The following NR2C1 variants were observed in gnomAD, a reference collection of about 807,000 sequenced individuals.
The protein encoded by NR2C1 is nuclear receptor subfamily 2 group C member 1.
In NR2C1, 33 loss-of-function variants were observed where a neutral mutation model predicts 74.8. The ratio of observed to expected loss-of-function variants is 0.44; its 90% CI spans 0.33 to 0.59. The LOEUF is 0.59. NR2C1 is among the 20% of genes least tolerant of loss of function. The pLI is 0.02. For missense variants in NR2C1, 568 were observed against 715.6 expected (o/e 0.79, Z 2.35); for synonymous variants, 225 against 240.6 (o/e 0.94, Z 0.60).
At chr12:95,062,897 TAAAC>T in intron 2 of NR2C1, 159 bp from the exon 3 acceptor site, 1 of 622,246 alleles carries the variant, frequency 1.6e-6, no homozygotes, top group South Asian at 2.0e-5. Flanking sequence ...CCTACAGAAA[TAAAC>T]AAATGTGCAA....
At chr12:95,054,664 A>C (rs951730344) in intron 7 of NR2C1, among the ~76,000 whole-genome samples, 2 of 152,230 alleles carry the variant, frequency 1.3e-5, no homozygotes, top group Non-Finnish European at 2.9e-5. Context: ...AAAGTACATT[A>C]GTTACAATTT....
At chr12:95,067,503 A>C (rs1875895546) in intron 1 of NR2C1, 112 bp from the exon 2 acceptor site, 1 of 858,904 alleles carries the variant, frequency 1.2e-6, no homozygotes, top group East Asian at 2.7e-5. Flanking sequence ...AATCTAGTTA[A>C]GGTGGGAGGG....
At chr12:95,066,241 C>T (rs909481699) in intron 2 of NR2C1, among the ~76,000 whole-genome samples, 3 of 152,174 alleles carry the variant, frequency 2.0e-5, no homozygotes, top group African/African-American at 7.2e-5. Flanking sequence ...GCACCTCACG[C>T]CTGTAATCCC....
At chr12:95,023,022 G>C (rs1258399702) in intron 13 of NR2C1, among the ~76,000 whole-genome samples, 3 of 151,974 alleles carry the variant, frequency 2.0e-5, no homozygotes, top group African/African-American at 7.2e-5. Flanking sequence ...ATTTAAGAAT[G>C]GCGGCTGGGT....
At chr12:95,052,094 C>A in intron 7 of NR2C1, 151 bp from the exon 8 acceptor site, 3 of 497,094 alleles carry the variant, frequency 6.0e-6, no homozygotes, top group Non-Finnish European at 6.9e-6. Flanking sequence ...CAGAAATTTA[C>A]TGAGGAAAAT....
rs1470531025 is a variant in NR2C1, at chr12:95,057,792, T to C, written c.631A>G (p.Lys211Glu). The C allele has an allele frequency of 1.2e-6, 2 of 1,614,166 alleles. No homozygotes were observed. Among genetic ancestry groups the C allele is most frequent in the South Asian group, 1.1e-5 (1 of 91,076 alleles). Residue 211 changes from lysine (K) to glutamate (E), a missense_variant, in exon 6 of 14, where the codon AAG (lysine) becomes GAG (glutamate). Around this residue, in one of 6 missense-constraint regions of NR2C1, gnomAD observed 239 missense variants for 232.3 expected, o/e 1.03. Coordinates refer to ENST00000333003, the MANE Select transcript of NR2C1 (RefSeq NM_003297.4). ...GCAGTTAATGGGCTACGAAGGTCCT[T>C]TCGGATATAGATTTTTTCTGTTGAA... ...AASTEKIYIR[K>E]DLRSPLTATP...
intron 13 of NR2C1, among the ~76,000 whole-genome samples, chr12:95,023,722 T>G (rs2136086754): frequency 6.6e-6 from 1 of 152,298 alleles, no homozygotes; most frequent in Admixed American, 6.5e-5. Flanking sequence ...AAGTGCCTTA[T>G]AAGTTGAAAA....
chr12:95,033,032 G>C (rs1040407602), intron 10 of NR2C1, among the ~76,000 whole-genome samples: 2 of 152,044 alleles, frequency 1.3e-5, no homozygotes, highest in African/African-American at 4.8e-5. Flanking sequence ...TACTCAGGAG[G>C]GTTGAGGTGG....
intron 1 of NR2C1, among the ~76,000 whole-genome samples, chr12:95,072,455 C>CAAAAAAA (rs570185714): frequency 6.6e-5 from 4 of 60,308 alleles, no homozygotes; most frequent in East Asian, 5.3e-4. Flanking sequence ...CTCTCCCTCT[C>CAAAAAAA]AAAAAAAAAA....
At chr12:95,040,330 G>A in intron 10 of NR2C1, 146 bp downstream of exon 10, 3 of 689,630 alleles carry the variant, frequency 4.4e-6, no homozygotes, top group Non-Finnish European at 4.6e-6. Context: ...TAGCTGCCAT[G>A]ATTTGTCATT....
rs1197796548 is a variant in NR2C1 at position 95,062,627 on chromosome 12, T to C, written c.166A>G (p.Lys56Glu). The C allele has an allele frequency of 2.5e-6, 4 of 1,614,180 alleles. No homozygotes were observed. Among genetic ancestry groups the C allele is most frequent in the Middle Eastern group, 3.3e-4 (2 of 6,062 alleles). The stretch of plus-strand genomic sequence containing the variant: ...GAATCTTGCCTGGCCAGAATGACTT[T>C]GCTTGGAGTAGAGCCGTCGTGATTT... ...LTNHDGSTPS[K>E]VILARQDSTP... is the part of the protein sequence containing the mutation. The change falls in exon 3 of 14, where the codon AAA becomes GAA. Residue 56 changes from lysine to glutamate, a missense_variant. Coordinates refer to ENST00000333003, the MANE Select transcript of NR2C1 (RefSeq NM_003297.4).
rs1393380664 is a variant in NR2C1 at position 95,072,839 on chromosome 12, TGA to T, written c.-8+539_-8+540del. On this transcript the variant is annotated intron_variant, in intron 1 of 13. Coordinates refer to ENST00000333003, the MANE Select transcript of NR2C1 (RefSeq NM_003297.4). Reference sequence around the variant, plus strand: ...GCGACGACCCTGGCCAGATTTGCCGTGAGAGAAAAGTGAAAGTGGGGGGAGTC... The same window carrying T: ...GCGACGACCCTGGCCAGATTTGCCGTGAGAAAAGTGAAAGTGGGGGGAGTC... 4 of 152,090 alleles carry T rather than the reference TGA, an allele frequency of 2.6e-5. No individual in the cohort carries two copies. In the East Asian group the frequency reaches 5.8e-4, roughly 22 times the overall value. 9.4% of individuals were successfully genotyped at this position (152,090 alleles called of 1,614,324 possible). A position where few individuals can be genotyped will look rare whatever the true frequency, so the allele number is the denominator to read the frequency against.
intron 1 of NR2C1, among the ~76,000 whole-genome samples, chr12:95,071,687 T>G (rs1316802132): frequency 6.6e-6 from 1 of 152,004 alleles, no homozygotes; most frequent in Non-Finnish European, 1.5e-5. Context: ...AAAAAAACCT[T>G]TCCTAGAAGA....
At chr12:95,072,379 G>T (rs1236900804) in intron 1 of NR2C1, among the ~76,000 whole-genome samples, 1 of 151,034 alleles carries the variant, frequency 6.6e-6, no homozygotes, top group African/African-American at 2.4e-5. Flanking sequence ...GCTTGAACCT[G>T]GAGGCGGAGG....
intron 1 of NR2C1, among the ~76,000 whole-genome samples, chr12:95,072,288 A>T (rs1876766298): frequency 7.5e-6 from 1 of 133,482 alleles, no homozygotes; most frequent in Admixed American, 7.2e-5. Context: ...ACAAAAACAA[A>T]AACAAAAACA....
intron 3 of NR2C1, among the ~76,000 whole-genome samples, chr12:95,061,070 G>T (rs569461308): frequency 5.9e-5 from 9 of 152,294 alleles, no homozygotes; most frequent in Non-Finnish European, 1.2e-4. Flanking sequence ...CCACATTCAT[G>T]AGAAAAACAT....
intron 7 of NR2C1, among the ~76,000 whole-genome samples, chr12:95,054,752 T>TTA (rs751689633): frequency 9.2e-5 from 14 of 152,198 alleles, no homozygotes; most frequent in Non-Finnish European, 1.5e-4. Context: ...ACTAGATTCT[T>TTA]TTTTATTTTA....
intron 9 of NR2C1, among the ~76,000 whole-genome samples, chr12:95,048,461 C>G (rs916754776): frequency 6.6e-6 from 1 of 152,156 alleles, no homozygotes; most frequent in Admixed American, 6.5e-5. Flanking sequence ...GCAATAACTG[C>G]TATTATAACT....
At chr12:95,065,472 A>T (rs915647104) in intron 2 of NR2C1, among the ~76,000 whole-genome samples, 21 of 152,232 alleles carry the variant, frequency 1.4e-4, no homozygotes, top group South Asian at 4.1e-4. Flanking sequence ...TAATTTTTTT[A>T]AATTTATTTT....
Sources: gnomAD v4.1 joint callset for allele counts (sites outside exome capture counted in the v4.1 genomes callset) on GRCh38, gnomAD v4.1.1 for gene constraint, gnomAD v4.1.1 regional missense constraint, MANE v1.5 for transcripts, NCBI Gene and HGNC (gene_info 2026-07-23, HGNC 2026-07-21) for gene names.